SMIM19: variants seen among roughly 807,000 people sequenced by gnomAD.
The protein encoded by SMIM19 is small integral membrane protein 19.
In SMIM19, 6 loss-of-function variants were observed where a neutral mutation model predicts 13.2. The ratio of observed to expected loss-of-function variants is 0.45; its 90% CI spans 0.25 to 0.90. The LOEUF is 0.90. SMIM19 is among the 40% of genes least tolerant of loss of function. The pLI is 0.19. For missense variants in SMIM19, 138 were observed against 131.0 expected (o/e 1.05, Z -0.26); for synonymous variants, 46 against 43.1 (o/e 1.07, Z -0.27).
chr8:42,544,237 C>A (rs796515820), intron 1 of SMIM19, among the ~76,000 whole-genome samples: 112 of 150,904 alleles, frequency 7.4e-4, no homozygotes, highest in African/African-American at 2.7e-3. Context: ...CGGTGAAACC[C>A]CGTCTCTACT....
Position 42,546,505 on chromosome 8 carries a change from T to C in SMIM19, c.33T>C (p.Asp11=). The part of the protein sequence containing the change: MAGGYGVMGD[D]GSIDYTVHEA... Reference sequence around the variant, plus strand: ...GGGGTTATGGAGTGATGGGTGACGATGGTTCTATTGATTATACTGTTCACG... The same window carrying C: ...GGGGTTATGGAGTGATGGGTGACGACGGTTCTATTGATTATACTGTTCACG... Residue 11 remains aspartate (D), a synonymous_variant, in exon 2 of 4, where the codon GAT becomes GAC. Coordinates refer to ENST00000417410, the MANE Select transcript of SMIM19 (RefSeq NM_001135674.2). 6.2e-7 allele frequency: 1 copy of C among 1,613,738 alleles called. No homozygotes were observed. Among genetic ancestry groups the C allele is most frequent in the Non-Finnish European group, 8.5e-7 (1 of 1,179,916 alleles).
intron 3 of SMIM19, among the ~76,000 whole-genome samples, chr8:42,550,450 T>C (rs1169260853): frequency 2.0e-5 from 3 of 152,152 alleles, no homozygotes; most frequent in African/African-American, 7.2e-5. Flanking sequence ...TGGTTCTGTT[T>C]TTCTAGAGCC....
rs1813728598 is a variant in SMIM19 at position 42,553,263 on chromosome 8, C to T, written c.*655C>T. ...TCTTTTCTACAGCATGATGCATACT[C>T]CTGTGCTAATTTTAGAAGCTTTCTG... On this transcript the variant is annotated 3_prime_UTR_variant, in exon 4 of 4. Coordinates refer to ENST00000417410, the MANE Select transcript of SMIM19 (RefSeq NM_001135674.2). The T allele has an allele frequency of 6.6e-6, 1 of 150,736 alleles. No individual in the cohort carries two copies. Among genetic ancestry groups the T allele is most frequent in the Admixed American group, 6.7e-5 (1 of 15,016 alleles). The allele number at this position is 150,736 out of a possible 1,614,324, so 9.3% of individuals were successfully genotyped here. A position where few individuals can be genotyped will look rare whatever the true frequency, so the allele number is the denominator to read the frequency against.
At chr8:42,545,241 C>G (rs541030275) in intron 1 of SMIM19, among the ~76,000 whole-genome samples, 54 of 152,348 alleles carry the variant, frequency 3.5e-4, no homozygotes, top group African/African-American at 1.3e-3. Flanking sequence ...GAAGTCATTA[C>G]TTTTACTTGC....
At chr8:42,545,503 T>C (rs1214913111) in intron 1 of SMIM19, among the ~76,000 whole-genome samples, 1 of 152,190 alleles carries the variant, frequency 6.6e-6, no homozygotes, top group African/African-American at 2.4e-5. Context: ...GCAACACTTT[T>C]GTAGCAGCAC....
chr8:42,545,240 AC>A (rs1813437600), intron 1 of SMIM19, among the ~76,000 whole-genome samples: 1 of 152,246 alleles, frequency 6.6e-6, no homozygotes, highest in Non-Finnish European at 1.5e-5. Context: ...AGAAGTCATT[AC>A]TTTTACTTGC....
chr8:42,548,837 G>A, intron 3 of SMIM19, 57 bp downstream of exon 3: 1 of 1,516,160 alleles, frequency 6.6e-7, no homozygotes, highest in Non-Finnish European at 8.9e-7. Context: ...AGATTTTCTG[G>A]AATTGAGTTC....
chr8:42,544,346 GC>G (rs1165967237), intron 1 of SMIM19, among the ~76,000 whole-genome samples: 1 of 151,544 alleles, frequency 6.6e-6, no homozygotes, highest in Non-Finnish European at 1.5e-5. Flanking sequence ...GGGAGGCGGA[GC>G]TTGCAGTGAG....
chr8:42,548,017 A>G (rs1426382043), intron 2 of SMIM19, among the ~76,000 whole-genome samples: 1 of 152,210 alleles, frequency 6.6e-6, no homozygotes. Flanking sequence ...ACTTGCGCCC[A>G]GATCTCAGCT....
intron 3 of SMIM19, 32 bp downstream of exon 3, chr8:42,548,812 A>G (rs760720062): frequency 6.4e-5 from 101 of 1,572,668 alleles, no homozygotes; most frequent in Non-Finnish European, 8.4e-5. Context: ...AGATACACAT[A>G]TGCACATTTA....
At chr8:42,541,469 T>G (rs1268035949), upstream of SMIM19, 1 of 121,922 alleles carries the variant, frequency 8.2e-6, no homozygotes, top group African/African-American at 3.1e-5. Flanking sequence ...GGGGCGGCAC[T>G]GGGGCCGCCG....
At position 42,548,677 on chromosome 8, in the gene SMIM19, G is replaced by C. The variant is rs369873306; in HGVS notation, c.156G>C (p.Arg52Ser). 5.9e-5 allele frequency: 95 copies of C among 1,613,672 alleles called. No individual in the cohort carries two copies. The highest frequency in any genetic ancestry group is 1.6e-4 in the Middle Eastern group (1 of 6,080). The change falls in exon 3 of 4, where the codon AGG (arginine) becomes AGC (serine). Residue 52 changes from arginine to serine, a missense_variant. By Grantham distance (110) the Arg-to-Ser change is moderately radical (BLOSUM62 -1). Transcript: ENST00000417410. ...TTAGGAACAAAAGGAGAATTATGAG[G>C]ATATTCAGTGTGCCACCTACAGAGG... ...YAKRNKRRIM[R>S]IFSVPPTEET...
At position 42,541,644 on chromosome 8, in the gene SMIM19, C is replaced by G. The variant is rs1247458454; in HGVS notation, c.-734C>G. On this transcript the variant is annotated 5_prime_UTR_variant, in exon 1 of 4. Coordinates refer to ENST00000417410, the MANE Select transcript of SMIM19 (RefSeq NM_001135674.2). ...GTTTCCCGCGCGCCCGGCCCCGACT[C>G]CGGGGTAAAGAGCCCCGGAGCGGAG... 15 of 150,044 alleles carry G rather than the reference C, an allele frequency of 1.0e-4. No individual in the cohort carries two copies. The highest frequency in any genetic ancestry group is 8.6e-4 in the Admixed American group (13 of 15,124). The allele number at this position is 150,044 out of a possible 1,614,324, so 9.3% of individuals were successfully genotyped here.
intron 1 of SMIM19, among the ~76,000 whole-genome samples, chr8:42,545,653 C>T (rs1813453400): frequency 6.6e-6 from 1 of 152,330 alleles, no homozygotes; most frequent in Middle Eastern, 3.4e-3. Flanking sequence ...GCCTCATCCT[C>T]CCAAGTAGCT....
intron 1 of SMIM19, among the ~76,000 whole-genome samples, chr8:42,545,392 G>A (rs1002700846): frequency 6.6e-6 from 1 of 152,174 alleles, no homozygotes; most frequent in African/African-American, 2.4e-5. Context: ...AATTTGTCCA[G>A]CAGGCCAAAA....
rs1240107910 is a variant in SMIM19, at chr8:42,553,123, C to A, written c.*515C>A. On this transcript the variant is annotated 3_prime_UTR_variant, in exon 4 of 4. Transcript: ENST00000417410. ...AGTGCAGTGGCACAATCTCTGCTCA[C>A]TGCAACTTCCACCTCCCGGGTTTAA... 6.7e-6 allele frequency: 1 copy of A among 148,568 alleles called. No homozygotes were observed. 9.2% of individuals were successfully genotyped at this position (148,568 alleles called of 1,614,324 possible).
At chr8:42,552,044 G>T (rs550406579) in intron 3 of SMIM19, among the ~76,000 whole-genome samples, 34 of 152,272 alleles carry the variant, frequency 2.2e-4, no homozygotes, top group African/African-American at 7.9e-4. Context: ...ATATAAAAAT[G>T]GGCATCAGCA....
At chr8:42,549,223 C>A (rs1586329194) in intron 3 of SMIM19, among the ~76,000 whole-genome samples, 2 of 152,018 alleles carry the variant, frequency 1.3e-5, no homozygotes, top group African/African-American at 2.4e-5. Flanking sequence ...ACCAGGCTGG[C>A]CAAGATGGTG....
At chr8:42,542,751 A>G (rs565080385) in intron 1 of SMIM19, among the ~76,000 whole-genome samples, 2 of 151,910 alleles carry the variant, frequency 1.3e-5, no homozygotes, top group Admixed American at 1.3e-4. Flanking sequence ...GCCTGAGCTC[A>G]GGAGTTTTGA....
Sources: allele counts gnomAD v4.1 joint callset (sites outside exome capture counted in the v4.1 genomes callset), GRCh38; gene constraint gnomAD v4.1.1; transcripts MANE v1.5; gene names NCBI Gene and HGNC (gene_info 2026-07-23, HGNC 2026-07-21).